The following BCL2L13 variants were observed in gnomAD, a reference collection of about 807,000 sequenced individuals.
BCL2L13 encodes the protein BCL2 like 13.
A neutral mutation model predicts 25.8 loss-of-function variants in BCL2L13; 13 were observed. The observed-to-expected ratio is 0.50, with a 90% CI of 0.33 to 0.80. The LOEUF (loss-of-function observed/expected upper bound fraction) is 0.80, where lower values mean the gene tolerates loss of function less well. BCL2L13 is among the 30% of genes least tolerant of loss of function. BCL2L13 has a pLI of 0.02. For synonymous variants in BCL2L13, 244 were observed against 230.3 expected (o/e 1.06, Z -0.54); for missense variants, 504 against 574.9 (o/e 0.88, Z 1.26).
In BCL2L13 at chr22:17,727,244, A is replaced by G. The variant is rs1396267802; in HGVS notation, c.1168A>G (p.Thr390Ala). Reference protein sequence around the residue: ...LDEEEVKAATTEPTEVEEVVP... With the variant: ...LDEEEVKAATAEPTEVEEVVP... ...TGAAGAAGAGGTGAAAGCAGCAACA[A>G]CTGAACCTACTGAAGTGGAGGAGGT... is the stretch of plus-strand genomic sequence containing the variant. Residue 390 changes from threonine (T) to alanine (A), a missense_variant, in exon 7 of 7, where the codon ACT (threonine) becomes GCT (alanine). Coordinates refer to ENST00000317582, the MANE Select transcript of BCL2L13 (RefSeq NM_015367.4). 1.2e-6 allele frequency: 2 copies of G among 1,614,144 alleles called. No homozygotes were observed. The highest frequency in any genetic ancestry group is 2.2e-5 in the East Asian group (1 of 44,894).
At chr22:17,637,551 T>C (rs955225011), upstream of BCL2L13, among the ~76,000 whole-genome samples, 4 of 151,942 alleles carry the variant, frequency 2.6e-5, no homozygotes, top group Admixed American at 6.6e-5. Flanking sequence ...ATTTTTTGTG[T>C]TTTTAGTACA....
chr22:17,696,942 A>T (rs1248041327), intron 5 of BCL2L13, among the ~76,000 whole-genome samples: 1 of 152,162 alleles, frequency 6.6e-6, no homozygotes, highest in Non-Finnish European at 1.5e-5. Context: ...GGCAGCCCTG[A>T]GGGATACAGT....
intron 1 of BCL2L13, among the ~76,000 whole-genome samples, chr22:17,641,091 C>T (rs569838640): frequency 6.6e-6 from 1 of 151,936 alleles, no homozygotes; most frequent in Non-Finnish European, 1.5e-5. Context: ...GGGGTTTCAC[C>T]GTGTTAGCCA....
intron 6 of BCL2L13, among the ~76,000 whole-genome samples, chr22:17,719,905 A>G (rs537812556): frequency 1.3e-5 from 2 of 151,866 alleles, no homozygotes; most frequent in Admixed American, 1.3e-4. Context: ...ACATTATGCT[A>G]AGTGGAAGCA....
At chr22:17,719,420 G>T (rs915552038) in intron 6 of BCL2L13, among the ~76,000 whole-genome samples, 1 of 152,054 alleles carries the variant, frequency 6.6e-6, no homozygotes, top group Non-Finnish European at 1.5e-5. Context: ...TTTTACTCCT[G>T]CTGTATTCAA....
intron 6 of BCL2L13, among the ~76,000 whole-genome samples, chr22:17,715,485 A>C (rs565181768): frequency 6.3e-4 from 96 of 151,968 alleles, no homozygotes; most frequent in African/African-American, 2.2e-3. Context: ...CCCAGCCTAT[A>C]TTAATGTAAC....
intron 2 of BCL2L13, among the ~76,000 whole-genome samples, chr22:17,657,065 C>T (rs1172829837): frequency 6.6e-6 from 1 of 152,188 alleles, no homozygotes; most frequent in Admixed American, 6.6e-5. Context: ...GCAATCTGCC[C>T]GCCTTGGCCT....
At chr22:17,666,057 G>A (rs186450582) in intron 2 of BCL2L13, among the ~76,000 whole-genome samples, 17 of 152,218 alleles carry the variant, frequency 1.1e-4, no homozygotes, top group African/African-American at 4.1e-4. Flanking sequence ...GTCTTATGAA[G>A]TGATTATGTC....
At chr22:17,634,890 G>A (rs751736108), upstream of BCL2L13, among the ~76,000 whole-genome samples, 2 of 151,012 alleles carry the variant, frequency 1.3e-5, no homozygotes, top group Non-Finnish European at 2.9e-5. Flanking sequence ...CAAGGCTAGA[G>A]TAAGTCATGA....
chr22:17,630,698 C>T (rs1398260954), intron 1 of BCL2L13, among the ~76,000 whole-genome samples: 5 of 148,750 alleles, frequency 3.4e-5, no homozygotes, highest in Non-Finnish European at 5.9e-5. Flanking sequence ...TCAATTGATT[C>T]TCCTGCCTCA....
chr22:17,656,221 T>C (rs1447149259), intron 2 of BCL2L13, among the ~76,000 whole-genome samples: 13 of 125,220 alleles, frequency 1.0e-4, no homozygotes, highest in Admixed American at 6.8e-4. Context: ...GCTTGGGCAA[T>C]AGAGTGAGAC....
At chr22:17,710,225 C>T (rs1040324515) in intron 6 of BCL2L13, among the ~76,000 whole-genome samples, 1 of 152,102 alleles carries the variant, frequency 6.6e-6, no homozygotes, top group Non-Finnish European at 1.5e-5. Context: ...TAAAATGTCA[C>T]GTCCTAAATA....
chr22:17,715,170 A>ATATT (rs2060908140), intron 6 of BCL2L13, among the ~76,000 whole-genome samples: 1 of 11,052 alleles, frequency 9.0e-5, no homozygotes, highest in Non-Finnish European at 1.6e-4. Flanking sequence ...ATATATATAT[A>ATATT]TTTTTTTTTT....
At chr22:17,632,559 C>T (rs1308212028) in intron 1 of BCL2L13, among the ~76,000 whole-genome samples, 1 of 152,096 alleles carries the variant, frequency 6.6e-6, no homozygotes, top group African/African-American at 2.4e-5. Context: ...GGAATTAACA[C>T]ATTTTGATTA....
intron 2 of BCL2L13, among the ~76,000 whole-genome samples, chr22:17,681,740 A>G (rs1309376537): frequency 6.6e-6 from 1 of 152,098 alleles, no homozygotes; most frequent in African/African-American, 2.4e-5. Flanking sequence ...TTGATTTAAT[A>G]TAGTCCATGC....
chr22:17,672,840 T>C (rs2059456291), intron 2 of BCL2L13, among the ~76,000 whole-genome samples: 2 of 152,168 alleles, frequency 1.3e-5, no homozygotes, highest in South Asian at 4.1e-4. Context: ...TCATTTGCTT[T>C]GTGGGATGGT....
intron 6 of BCL2L13, among the ~76,000 whole-genome samples, chr22:17,709,774 T>C (rs953223422): frequency 3.3e-5 from 5 of 151,320 alleles, no homozygotes; most frequent in Admixed American, 6.6e-5. Flanking sequence ...AGAGTGCTAT[T>C]AAAACAAAAG....
At chr22:17,706,755 A>T (rs781120351) in intron 6 of BCL2L13, 5 of 1,351,432 alleles carry the variant, frequency 3.7e-6, no homozygotes, top group Middle Eastern at 4.2e-4. Context: ...TTCTCTTTTC[A>T]TTTCCTGGGC....
intron 2 of BCL2L13, among the ~76,000 whole-genome samples, chr22:17,663,032 A>G (rs1003218562): frequency 2.0e-5 from 3 of 151,984 alleles, no homozygotes; most frequent in Non-Finnish European, 4.4e-5. Flanking sequence ...CACCATGCCC[A>G]GCTAATTTTT....
Sources: allele counts gnomAD v4.1 joint callset (sites outside exome capture counted in the v4.1 genomes callset), GRCh38; gene constraint gnomAD v4.1.1; transcripts MANE v1.5; gene names NCBI Gene and HGNC (gene_info 2026-07-23, HGNC 2026-07-21).